The following UBE2E2 variants were observed in gnomAD, a reference collection of about 807,000 sequenced individuals.
The protein encoded by UBE2E2 is ubiquitin-conjugating enzyme E2 E2.
A neutral mutation model predicts 24.7 loss-of-function variants in UBE2E2; 6 were observed. The ratio of observed to expected loss-of-function variants is 0.24; its 90% CI spans 0.13 to 0.48. UBE2E2 has a LOEUF of 0.48. Ranked by LOEUF, UBE2E2 falls within the 20% of genes least tolerant of loss-of-function variation. The probability of loss-of-function intolerance (pLI) is 0.99; values close to 1 mark genes in which losing one functional copy is unlikely to be tolerated. For synonymous variants in UBE2E2, 104 were observed against 83.6 expected (o/e 1.24, Z -1.33); for missense variants, 169 against 245.0 (o/e 0.69, Z 2.07).
chr3:23,494,668 GA>G (rs1699568127), intron 3 of UBE2E2, among the ~76,000 whole-genome samples: 1 of 152,136 alleles, frequency 6.6e-6, no homozygotes, highest in Non-Finnish European at 1.5e-5. Context: ...TAAAATGTTA[GA>G]AGAGTCCAGG....
rs558777244 is a variant in UBE2E2, at chr3:23,585,962, ATTAAG to A, written c.509-3769_509-3765del. On this transcript the variant is annotated intron_variant, in intron 5 of 5. Transcript: ENST00000396703. The stretch of plus-strand genomic sequence containing the variant: ...AATTCATGACTTTTATTTACCATTT[ATTAAG>A]TTTAACATTCTGCTAAGAAACAGTA... Among the ~76,000 whole-genome samples, 18 of 148,224 alleles carry A rather than the reference ATTAAG, an allele frequency of 1.2e-4. 1 individual carries two copies. The South Asian group carries it at 3.8e-3, about 32-fold the overall frequency.
chr3:23,298,930 G>T (rs1307257388), intron 3 of UBE2E2, among the ~76,000 whole-genome samples: 1 of 152,088 alleles, frequency 6.6e-6, no homozygotes, highest in Non-Finnish European at 1.5e-5. Flanking sequence ...GACTTTTTCT[G>T]GTTGGTAAGC....
intron 5 of UBE2E2, among the ~76,000 whole-genome samples, chr3:23,580,988 T>C (rs1033322259): frequency 1.4e-4 from 21 of 152,350 alleles, no homozygotes; most frequent in Middle Eastern, 3.4e-3. Context: ...ATCTGATTCA[T>C]GTTAAACACG....
At chr3:23,531,429 A>G (rs1447873631) in intron 4 of UBE2E2, among the ~76,000 whole-genome samples, 2 of 152,212 alleles carry the variant, frequency 1.3e-5, no homozygotes, top group Non-Finnish European at 2.9e-5. Context: ...AAACAGTTTT[A>G]GTAGTTATAA....
rs1696529699 is a variant in UBE2E2, at chr3:23,583,242, T to C, written c.509-6492T>C. On this transcript the variant is annotated intron_variant, in intron 5 of 5. Transcript: ENST00000396703. The surrounding 1 kb of genome is among the most constrained non-coding windows in gnomAD (Gnocchi z 4.1). ...TTGTCAAAGATCAGATGGTCGTAAA[T>C]ATGTGGCATTATTTCTGGGCTCTTT... 6.6e-6 allele frequency among the ~76,000 whole-genome samples: 1 copy of C among 152,182 alleles called. No individual in the cohort carries two copies. Among genetic ancestry groups the C allele is most frequent in the Non-Finnish European group, 1.5e-5 (1 of 68,042 alleles).
chr3:23,299,010 G>T (rs994865131), intron 3 of UBE2E2, among the ~76,000 whole-genome samples: 2 of 152,284 alleles, frequency 1.3e-5, no homozygotes, highest in Non-Finnish European at 2.9e-5. Flanking sequence ...TCCTGGTTTA[G>T]TCTTGGGAGG....
chr3:23,287,899 T>A (rs984425865), intron 3 of UBE2E2, among the ~76,000 whole-genome samples: 2 of 151,976 alleles, frequency 1.3e-5, no homozygotes, highest in South Asian at 4.1e-4. Context: ...TTTGTTGCTC[T>A]CGTATTTTCT....
chr3:23,488,905 G>A (rs1473073026), intron 3 of UBE2E2, among the ~76,000 whole-genome samples: 1 of 152,162 alleles, frequency 6.6e-6, no homozygotes. Context: ...AGTACCTTGA[G>A]GCCTTTCATT....
chr3:23,455,018 G>A (rs999215995), intron 3 of UBE2E2, among the ~76,000 whole-genome samples: 8 of 152,172 alleles, frequency 5.3e-5, no homozygotes, highest in African/African-American at 1.9e-4. Flanking sequence ...GGATTATCAT[G>A]TCTTCCTGCC....
rs13064903 is a variant in UBE2E2, at chr3:23,514,744, G to A, written c.360+15004G>A. ...GCTGAGACAAGGAGAAATGTCTTAG[G>A]AGTCTGGTCAAATAGAGGGGTTTCA... On this transcript the variant is annotated intron_variant, in intron 4 of 5. Transcript: ENST00000396703. Among the ~76,000 whole-genome samples, 3 of 152,026 alleles carry A rather than the reference G, an allele frequency of 2.0e-5. No homozygotes were observed. In the East Asian group the frequency reaches 5.8e-4, roughly 29 times the overall value.
intron 3 of UBE2E2, among the ~76,000 whole-genome samples, chr3:23,349,562 C>T (rs572470286): frequency 5.3e-5 from 8 of 152,226 alleles, no homozygotes; most frequent in East Asian, 1.9e-4. Context: ...GCTTAAAAAA[C>T]GGCGCACCAG....
In UBE2E2 at chr3:23,530,807, G is replaced by A. The variant is rs533843903; in HGVS notation, c.361-1747G>A. 4.3e-4 allele frequency among the ~76,000 whole-genome samples: 65 copies of A among 152,034 alleles called. 1 individual carries two copies. The highest frequency in any genetic ancestry group is 1.5e-3 in the African/African-American group (64 of 41,492). ...GATTTCATCTTCTTTTTCCATGAGG[G>A]CATCAAAACCCAAACCTCCACTTTA... is the stretch of plus-strand genomic sequence containing the variant. On this transcript the variant is annotated intron_variant, in intron 4 of 5. Coordinates refer to ENST00000396703, the MANE Select transcript of UBE2E2 (RefSeq NM_152653.4).
At chr3:23,519,264 A>G (rs538695459) in intron 4 of UBE2E2, among the ~76,000 whole-genome samples, 2 of 149,440 alleles carry the variant, frequency 1.3e-5, no homozygotes, top group South Asian at 2.1e-4. Context: ...TTTTTTTGCT[A>G]TTTTATTCCT....
chr3:23,213,479 A>G (rs1696384413), intron 2 of UBE2E2, among the ~76,000 whole-genome samples: 1 of 152,000 alleles, frequency 6.6e-6, no homozygotes, highest in Non-Finnish European at 1.5e-5. Flanking sequence ...CATTCCTGGA[A>G]CGGTTAAGGT....
At chr3:23,436,230 A>G (rs1290672563) in intron 3 of UBE2E2, among the ~76,000 whole-genome samples, 2 of 152,236 alleles carry the variant, frequency 1.3e-5, no homozygotes, top group East Asian at 3.9e-4. Flanking sequence ...AAAGCGGCAC[A>G]TGATATTGAA....
intron 3 of UBE2E2, among the ~76,000 whole-genome samples, chr3:23,352,964 ACAT>A (rs1695804849): frequency 6.6e-6 from 1 of 152,236 alleles, no homozygotes; most frequent in African/African-American, 2.4e-5. Context: ...TCCTTGATGA[ACAT>A]TGATGCAAAA....
At chr3:23,371,990 C>T (rs549238374) in intron 3 of UBE2E2, among the ~76,000 whole-genome samples, 10 of 151,932 alleles carry the variant, frequency 6.6e-5, no homozygotes, top group South Asian at 2.1e-4. Flanking sequence ...TGGTGGTGGA[C>T]ACCTGTAATC....
intron 3 of UBE2E2, among the ~76,000 whole-genome samples, chr3:23,396,872 C>CA (rs1301503621): frequency 2.6e-5 from 4 of 152,092 alleles, no homozygotes; most frequent in Admixed American, 1.3e-4. Context: ...TTATGCAGGA[C>CA]AGGGGGGATG....
intron 3 of UBE2E2, among the ~76,000 whole-genome samples, chr3:23,379,691 T>C (rs1489267390): frequency 6.6e-6 from 1 of 152,154 alleles, no homozygotes; most frequent in African/African-American, 2.4e-5. Context: ...TATTGAGTTC[T>C]AATTTTCTCT....
Sources: gnomAD v4.1 joint callset for allele counts (sites outside exome capture counted in the v4.1 genomes callset) on GRCh38, gnomAD v4.1.1 for gene constraint, Gnocchi (gnomAD v3.1) non-coding constraint, MANE v1.5 for transcripts, NCBI Gene and HGNC (gene_info 2026-07-23, HGNC 2026-07-21) for gene names.